The following CFAP44 variants were observed in gnomAD, a reference collection of about 807,000 sequenced individuals.
The protein encoded by CFAP44 is cilia- and flagella-associated protein 44.
A neutral mutation model predicts 216.2 loss-of-function variants in CFAP44; 134 were observed. That is an observed-to-expected ratio of 0.62 (90% CI 0.54 to 0.72). The LOEUF is 0.72. Among genes scored for constraint, CFAP44 ranks in the 30% least tolerant of loss-of-function variants. The probability of loss-of-function intolerance (pLI) is 0.00; values close to 1 mark genes in which losing one functional copy is unlikely to be tolerated. For synonymous variants in CFAP44, 700 were observed against 727.6 expected, an observed-to-expected ratio of 0.96 and a Z score of 0.61; for missense variants, 2,035 against 2,182.1, an observed-to-expected ratio of 0.93 and a Z score of 1.34.
chr3:113,316,736 G>A (rs1403360968), intron 28 of CFAP44, among the ~76,000 whole-genome samples: 1 of 152,078 alleles, frequency 6.6e-6, no homozygotes, highest in African/African-American at 2.4e-5. Context: ...GGGTGTGGTG[G>A]TGGGTGTCTG....
intron 32 of CFAP44, among the ~76,000 whole-genome samples, chr3:113,300,578 A>G (rs1949925139): frequency 6.6e-6 from 1 of 151,790 alleles, no homozygotes. Context: ...AAAACAAAAA[A>G]CCAAAGGAAT....
chr3:113,394,594 C>A (rs906375290), intron 15 of CFAP44, among the ~76,000 whole-genome samples: 2 of 152,140 alleles, frequency 1.3e-5, no homozygotes, highest in Non-Finnish European at 2.9e-5. Context: ...GTTCCCTGCT[C>A]TAAATTCACA....
At chr3:113,359,728 T>A (rs1228525568) in intron 21 of CFAP44, among the ~76,000 whole-genome samples, 1 of 152,062 alleles carries the variant, frequency 6.6e-6, no homozygotes, top group African/African-American at 2.4e-5. Context: ...ATTATGGGTT[T>A]TTACTTGATC....
chr3:113,433,079 A>G (rs1935146154), intron 2 of CFAP44, among the ~76,000 whole-genome samples: 1 of 151,946 alleles, frequency 6.6e-6, no homozygotes, highest in South Asian at 2.1e-4. Context: ...TTCTTTGCTA[A>G]CTCCATCATT....
At chr3:113,308,335 A>C (rs1950005658) in intron 28 of CFAP44, 67 bp from the exon 29 acceptor site, 17 of 1,258,500 alleles carry the variant, frequency 1.4e-5, no homozygotes, top group Non-Finnish European at 1.6e-5. Context: ...AGATTTTTAA[A>C]GTAAACTATT....
At chr3:113,300,216 G>T (rs573714022) in intron 32 of CFAP44, among the ~76,000 whole-genome samples, 1 of 151,554 alleles carries the variant, frequency 6.6e-6, no homozygotes, top group African/African-American at 2.4e-5. Flanking sequence ...GTCTGGGAAG[G>T]ATAGTGGAGG....
At chr3:113,420,975 T>C (rs1002170020) in intron 4 of CFAP44, among the ~76,000 whole-genome samples, 1 of 152,140 alleles carries the variant, frequency 6.6e-6, no homozygotes, top group South Asian at 2.1e-4. Flanking sequence ...AGAGTAAAAT[T>C]GTACTAATTC....
intron 29 of CFAP44, among the ~76,000 whole-genome samples, chr3:113,306,872 T>C (rs1949990490): frequency 6.6e-6 from 1 of 152,218 alleles, no homozygotes; most frequent in South Asian, 2.1e-4. Flanking sequence ...TTAATTATCC[T>C]GCTAAAAAAT....
chr3:113,404,024 G>A lies in CFAP44; in HGVS notation c.1006-8C>T, dbSNP rs1463837947. 6.8e-6 allele frequency: 11 copies of A among 1,607,966 alleles called. No homozygotes were observed. The highest frequency in any genetic ancestry group is 4.0e-5 in the African/African-American group (3 of 74,724). ...TTCTGACCCTGAGAGCACCTGGCAG[G>A]TATGTGGAAAAAAGAAATGTGCATT... On this transcript the variant is annotated splice_polypyrimidine_tract_variant and splice_region_variant and intron_variant, in intron 8 of 34. Coordinates refer to ENST00000393845, the MANE Select transcript of CFAP44 (RefSeq NM_001164496.2).
intron 1 of CFAP44, among the ~76,000 whole-genome samples, chr3:113,438,572 T>C (rs1935287690): frequency 6.6e-6 from 1 of 152,218 alleles, no homozygotes; most frequent in Non-Finnish European, 1.5e-5. Flanking sequence ...AATTTATTGA[T>C]ATATTCCTGA....
intron 1 of CFAP44, among the ~76,000 whole-genome samples, chr3:113,435,577 T>A (rs1559950179): frequency 6.6e-6 from 1 of 151,230 alleles, no homozygotes; most frequent in Non-Finnish European, 1.5e-5. Flanking sequence ...AAAAAAATTT[T>A]AAATGGCCAG....
At chr3:113,357,508 C>T (rs1040797884) in intron 22 of CFAP44, among the ~76,000 whole-genome samples, 1 of 152,164 alleles carries the variant, frequency 6.6e-6, no homozygotes, top group African/African-American at 2.4e-5. Context: ...CCAAAGGTTG[C>T]TGGCAAACCA....
chr3:113,330,503 GGT>G lies in CFAP44; in HGVS notation c.3779_3780del (p.His1260ProfsTer12). The G allele has an allele frequency of 6.5e-7, 1 of 1,537,048 alleles. No homozygotes were observed. Among genetic ancestry groups the G allele is most frequent in the Non-Finnish European group, 8.7e-7 (1 of 1,146,846 alleles). On this transcript the variant is annotated frameshift_variant, in exon 26 of 35. Transcript: ENST00000393845. LOFTEE classifies it high-confidence loss of function. The part of the protein sequence containing the change: ...HIPIPKIPQI[H>X]PEEVPEKRFQ... ...AATCTCTTTTCTGGAACTTCTTCTG[GGT>G]GTATCTGAGGAATTTTGGGAATGGG...
chr3:113,413,225 T>A (rs918424416), intron 6 of CFAP44, among the ~76,000 whole-genome samples: 5 of 152,086 alleles, frequency 3.3e-5, no homozygotes, highest in African/African-American at 1.2e-4. Flanking sequence ...GGAATTTTTT[T>A]TTCTTGTAAA....
At chr3:113,326,070 T>G (rs948377662) in intron 28 of CFAP44, among the ~76,000 whole-genome samples, 4 of 151,588 alleles carry the variant, frequency 2.6e-5, no homozygotes, top group African/African-American at 9.7e-5. Context: ...TATAAAGAAC[T>G]CTCCAAACTC....
intron 1 of CFAP44, among the ~76,000 whole-genome samples, chr3:113,435,492 C>G (rs1345158705): frequency 6.6e-6 from 1 of 152,040 alleles, no homozygotes; most frequent in Non-Finnish European, 1.5e-5. Context: ...CTGGGTCCCT[C>G]CCATGACACA....
intron 28 of CFAP44, among the ~76,000 whole-genome samples, chr3:113,309,525 T>G (rs1950019101): frequency 6.6e-6 from 1 of 152,170 alleles, no homozygotes; most frequent in Non-Finnish European, 1.5e-5. Context: ...ATATCATATA[T>G]AATATCTTCA....
intron 6 of CFAP44, among the ~76,000 whole-genome samples, chr3:113,413,842 G>C (rs1159692289): frequency 3.3e-5 from 5 of 152,150 alleles, no homozygotes; most frequent in Non-Finnish European, 7.3e-5. Flanking sequence ...TGACTGTATG[G>C]GGTCTTCTTT....
Position 113,439,486 on chromosome 3 carries a change from T to C in CFAP44, c.-6+1967A>G, listed in dbSNP as rs144260282. On this transcript the variant is annotated intron_variant, in intron 1 of 34. Coordinates refer to ENST00000393845, the MANE Select transcript of CFAP44 (RefSeq NM_001164496.2). ...TGATCTTTGTAGCCAAGGATAATTA[T>C]CTCAAAATAATTATGTAGTCTTTTT... Among the ~76,000 whole-genome samples the C allele has an allele frequency of 5.5e-3, 845 of 152,338 alleles. 7 individuals are homozygous for C. The highest frequency in any genetic ancestry group is 0.02 in the African/African-American group (817 of 41,570).
Sources: gnomAD v4.1 joint callset for allele counts (sites outside exome capture counted in the v4.1 genomes callset) on GRCh38, gnomAD v4.1.1 for gene constraint, MANE v1.5 for transcripts, NCBI Gene and HGNC (gene_info 2026-07-23, HGNC 2026-07-21) for gene names.